The following MSH6 variants were observed in gnomAD, a reference collection of about 807,000 sequenced individuals.
MSH6 encodes the protein mutS homolog 6, also known as DNA mismatch repair protein Msh6.
A neutral mutation model predicts 119.1 loss-of-function variants in MSH6; 85 were observed. The ratio of observed to expected loss-of-function variants is 0.71; its 90% confidence interval spans 0.60 to 0.85. MSH6 has a LOEUF of 0.85. MSH6 is among the 40% of genes least tolerant of loss of function. MSH6 has a pLI of 0.00. For synonymous variants in MSH6, 830 were observed against 586.9 expected (o/e 1.41, Z -5.99); for missense variants, 2,163 against 1,655.3 (o/e 1.31, Z -5.32).
rs1441753856 is a variant in MSH6 at position 47,793,318 on chromosome 2, C to CTCAAAAAAAAAA, written c.457+2195_457+2196insTCAAAAAAAAAA. Among the ~76,000 whole-genome samples, 50 of 48,808 alleles carry CTCAAAAAAAAAA rather than the reference C, an allele frequency of 1.0e-3. 4 individuals are homozygous for CTCAAAAAAAAAA. Among genetic ancestry groups the CTCAAAAAAAAAA allele is most frequent in the Admixed American group, 1.8e-3 (5 of 2,798 alleles). The allele number at this position is 48,808 out of a possible 152,430, so 32.0% of individuals were successfully genotyped here. ...CCTGGGTGACAGAGCGAGACTGTCT[C>CTCAAAAAAAAAA]AAAAAAAAAAAAAAAAAAAAAAAAA... On this transcript the variant is annotated intron_variant, in intron 2 of 9. Transcript: ENST00000234420.
downstream of MSH6, chr2:47,808,663 C>T (rs1670394684): frequency 2.4e-6 from 1 of 410,594 alleles, no homozygotes; most frequent in Non-Finnish European, 4.3e-6. Flanking sequence ...CAGTTCTTTC[C>T]ACTTTAAAAG....
In MSH6 at chr2:47,806,475, T is replaced by C. The variant is rs1553333352; in HGVS notation, c.3825T>C (p.Cys1275=). The C allele has an allele frequency of 1.9e-6, 3 of 1,614,090 alleles. No individual in the cohort carries two copies. The highest frequency in any genetic ancestry group is 2.2e-5 in the South Asian group (2 of 91,084). The change falls in exon 9 of 10, where the codon TGT becomes TGC. Residue 1275 remains cysteine, a synonymous_variant. Transcript: ENST00000234420. ...AGGCATGCATGGTAGAAAATGAATG[T>C]GAAGACCCCAGCCAGGAGACTATTA... ...GHMACMVENE[C]EDPSQETITF...
downstream of MSH6, chr2:47,807,793 C>G (rs1277061942): frequency 3.8e-6 from 1 of 264,456 alleles, no homozygotes; most frequent in Non-Finnish European, 7.3e-6. Context: ...ATTACTACTG[C>G]AAATTGGACT....
chr2:47,795,724 G>GCC (rs916472191), intron 2 of MSH6, among the ~76,000 whole-genome samples, 170 bp from the exon 3 acceptor site: 1 of 151,648 alleles, frequency 6.6e-6, no homozygotes, highest in Non-Finnish European at 1.5e-5. Context: ...GCCCACCTAA[G>GCC]CCTCCCAAAA....
chr2:47,803,354 A>ATT (rs1669724094), intron 4 of MSH6, 66 bp from the exon 5 acceptor site: 1 of 1,605,018 alleles, frequency 6.2e-7, no homozygotes, highest in African/African-American at 1.3e-5. Context: ...AAGAAGACCT[A>ATT]TAAAACACTT....
Position 47,800,900 on chromosome 2 carries a change from G to A in MSH6, c.2917G>A (p.Gly973Ser), listed in dbSNP as rs2104430568. 6.3e-7 allele frequency: 1 copy of A among 1,593,618 alleles called. No individual in the cohort carries two copies. Among genetic ancestry groups the A allele is most frequent in the Non-Finnish European group, 8.5e-7 (1 of 1,170,722 alleles). The change falls in exon 4 of 10, where the codon GGT (glycine) becomes AGT (serine). Residue 973 changes from glycine (G) to serine (S), a missense_variant. Coordinates refer to ENST00000234420, the MANE Select transcript of MSH6 (RefSeq NM_000179.3). ...TAGGACCATAGTCTATTGGGGGATTGGTAGGAACCGTTACCAGCTGGAAAT... is the reference window on the plus strand; with the variant it reads ...TAGGACCATAGTCTATTGGGGGATTAGTAGGAACCGTTACCAGCTGGAAAT... ...GCRTIVYWGIGRNRYQLEIPE... is the reference protein window; with the variant it reads ...GCRTIVYWGISRNRYQLEIPE...
chr2:47,806,152 TTTTG>T, intron 7 of MSH6, 48 bp from the exon 8 acceptor site: 1 of 1,578,218 alleles, frequency 6.3e-7, no homozygotes, highest in Non-Finnish European at 8.7e-7. Context: ...TTAATTCCTT[TTTTG>T]TTTTAATTCC....
At chr2:47,801,361 GTT>G (rs10666222) in intron 4 of MSH6, 176 of 89,904 alleles carry the variant, frequency 2.0e-3, no homozygotes, top group South Asian at 6.3e-3. Context: ...CCTTTCTTCA[GTT>G]TTTTTTTTTT....
downstream of MSH6, chr2:47,807,974 G>A (rs1385919520): frequency 3.4e-5 from 25 of 728,052 alleles, no homozygotes; most frequent in Admixed American, 6.2e-4. Context: ...GGTAGCTTGA[G>A]CTTCATAGTG....
chr2:47,806,469 T>G lies in MSH6; in HGVS notation c.3819T>G (p.Asn1273Lys), dbSNP rs759642651. Reference protein sequence around the residue: ...RLGHMACMVENECEDPSQETI... With the variant: ...RLGHMACMVEKECEDPSQETI... ...TTCTTAAGGCATGCATGGTAGAAAATGAATGTGAAGACCCCAGCCAGGAGA... is the reference window on the plus strand; with the variant it reads ...TTCTTAAGGCATGCATGGTAGAAAAGGAATGTGAAGACCCCAGCCAGGAGA... Residue 1273 changes from asparagine to lysine, a missense_variant, in exon 9 of 10, where the codon AAT becomes AAG. Transcript: ENST00000234420. The G allele has an allele frequency of 2.5e-6, 4 of 1,614,046 alleles. No homozygotes were observed. In the East Asian group the frequency reaches 6.7e-5, roughly 27 times the overall value.
Position 47,801,440 on chromosome 2 carries a change from C to T in MSH6, c.3172+285C>T, listed in dbSNP as rs3136339. ...CTAGAATATGGTGACACAACCATGG[C>T]TACTGCAGCCTCGACCTCCCAGGCT... On this transcript the variant is annotated intron_variant, in intron 4 of 9. Transcript: ENST00000234420. 1.2e-3 allele frequency: 407 copies of T among 326,986 alleles called. 3 individuals are homozygous for T. The highest frequency in any genetic ancestry group is 0.01 in the African/African-American group (385 of 38,388). The allele number at this position is 326,986 out of a possible 1,614,324, so 20.3% of individuals were successfully genotyped here. A position where few individuals can be genotyped will look rare whatever the true frequency, so the allele number is the denominator to read the frequency against.
At chr2:47,787,944 G>C (rs747713165) in intron 1 of MSH6, among the ~76,000 whole-genome samples, 1 of 151,946 alleles carries the variant, frequency 6.6e-6, no homozygotes, top group Non-Finnish European at 1.5e-5. Flanking sequence ...GATTACCACG[G>C]ATAAAATTTT....
chr2:47,799,620 A>C lies in MSH6; in HGVS notation c.1637A>C (p.Glu546Ala), dbSNP rs373554374. ...SKYLLSLKEK[E>A]EDSSGHTRAY... ...TATCTTCTTAGCCTCAAAGAAAAAG[A>C]GGAAGATTCTTCTGGCCATACTCGT... Residue 546 changes from glutamate to alanine, a missense_variant, in exon 4 of 10, where the codon GAG (glutamate) becomes GCG (alanine). Physicochemically the swap from Glu to Ala is moderately radical, Grantham distance 107. Coordinates refer to ENST00000234420, the MANE Select transcript of MSH6 (RefSeq NM_000179.3). The C allele has an allele frequency of 6.2e-7, 1 of 1,614,082 alleles. No homozygotes were observed. The highest frequency in any genetic ancestry group is 8.5e-7 in the Non-Finnish European group (1 of 1,180,032).
chr2:47,803,442 C>T lies in MSH6; in HGVS notation c.3195C>T (p.Asn1065=), dbSNP rs759260316. 1 of 1,614,148 alleles carries T rather than the reference C, an allele frequency of 6.2e-7. No homozygotes were observed. Among genetic ancestry groups the T allele is most frequent in the Middle Eastern group, 1.6e-4 (1 of 6,062 alleles). The part of the protein sequence containing the change: ...AVLDVLLCLA[N]YSRGGDGPMC... The stretch of plus-strand genomic sequence containing the variant: ...CAGATGTTTTACTGTGCCTGGCTAA[C>T]TATAGTCGAGGGGGTGATGGTCCTA... Residue 1065 remains asparagine, a synonymous_variant, in exon 5 of 10, where the codon AAC becomes AAT. Transcript: ENST00000234420.
intron 4 of MSH6, chr2:47,801,417 A>G (rs1669590233): frequency 2.9e-6 from 1 of 344,782 alleles, no homozygotes; most frequent in Non-Finnish European, 4.9e-6. Context: ...TGCCCAGGCT[A>G]GAATATGGTG....
At chr2:47,806,118 C>CTT in intron 7 of MSH6, 86 bp from the exon 8 acceptor site, 2 of 1,344,286 alleles carry the variant, frequency 1.5e-6, no homozygotes, top group East Asian at 4.7e-5. Flanking sequence ...ACCGATGTTG[C>CTT]TTTTCTGTCC....
chr2:47,805,137 G>A (rs1217181968), intron 6 of MSH6, 110 bp downstream of exon 6: 2 of 789,376 alleles, frequency 2.5e-6, no homozygotes, highest in East Asian at 2.6e-5. Flanking sequence ...TTTTTCTGGT[G>A]TTACTTTAAA....
At chr2:47,788,993 T>G (rs1668564368) in intron 1 of MSH6, among the ~76,000 whole-genome samples, 1 of 139,504 alleles carries the variant, frequency 7.2e-6, no homozygotes, top group Non-Finnish European at 1.5e-5. Context: ...TGGCGTTTTC[T>G]TGGCTCACTG....
In MSH6 at chr2:47,803,352, C is replaced by T. The variant is rs1392388894; in HGVS notation, c.3173-68C>T. 5 of 1,592,054 alleles carry T rather than the reference C, an allele frequency of 3.1e-6. No homozygotes were observed. The South Asian group carries it at 4.4e-5, about 14-fold the overall frequency. On this transcript the variant is annotated intron_variant, in intron 4 of 9. Transcript: ENST00000234420. ...ATGAAATGTGTTATATAAAGAAGAC[C>T]TATAAAACACTTAGGCTGATAAAAC...
Sources: allele counts gnomAD v4.1 joint callset (sites outside exome capture counted in the v4.1 genomes callset), GRCh38; gene constraint gnomAD v4.1.1; transcripts MANE v1.5; gene names NCBI Gene and HGNC (gene_info 2026-07-23, HGNC 2026-07-21).